GXYLT2: variants seen among roughly 807,000 people sequenced by gnomAD.
GXYLT2 encodes glucoside xylosyltransferase 2, also known as glycosyltransferase 8 domain containing 4.
In GXYLT2, 53 loss-of-function variants were observed where a neutral mutation model predicts 45.8. The observed-to-expected ratio is 1.16, with a 90% confidence interval of 0.93 to 1.46. The LOEUF is 1.46. GXYLT2 is among the 40% of genes most tolerant of loss of function. The pLI, the probability that GXYLT2 is intolerant of heterozygous loss-of-function variation, is 0.00. For synonymous variants in GXYLT2, 219 were observed against 214.2 expected (o/e 1.02, Z -0.19); for missense variants, 551 against 544.4 (o/e 1.01, Z -0.12).
chr3:72,959,838 T>G (rs983989671), intron 5 of GXYLT2, among the ~76,000 whole-genome samples: 3 of 152,186 alleles, frequency 2.0e-5, no homozygotes, highest in Non-Finnish European at 2.9e-5. Flanking sequence ...TTTCGCCATG[T>G]TGGCCAGGCT....
chr3:72,914,956 C>T (rs1709706470), intron 2 of GXYLT2, among the ~76,000 whole-genome samples: 1 of 152,084 alleles, frequency 6.6e-6, no homozygotes. Context: ...GAGGCCAAGG[C>T]AGGCTAAGGC....
chr3:72,905,905 C>T (rs1346207917), intron 1 of GXYLT2, among the ~76,000 whole-genome samples: 1 of 152,064 alleles, frequency 6.6e-6, no homozygotes, highest in African/African-American at 2.4e-5. Flanking sequence ...ACTTGTTATC[C>T]TTGGCAGAAG....
intron 5 of GXYLT2, among the ~76,000 whole-genome samples, chr3:72,961,338 C>T (rs2107148588): frequency 6.6e-6 from 1 of 152,250 alleles, no homozygotes; most frequent in Non-Finnish European, 1.5e-5. Context: ...CACAGCTCCA[C>T]TCAGGCCAGC....
chr3:72,955,429 T>G, intron 4 of GXYLT2, 80 bp downstream of exon 4: 1 of 1,439,244 alleles, frequency 6.9e-7, no homozygotes, highest in Admixed American at 2.0e-5. Flanking sequence ...AGTGTCAATA[T>G]GCTGATTTTG....
At chr3:72,892,321 C>T (rs150016920) in intron 1 of GXYLT2, among the ~76,000 whole-genome samples, 12 of 152,286 alleles carry the variant, frequency 7.9e-5, no homozygotes, top group African/African-American at 1.9e-4. Flanking sequence ...ATTACTCAAC[C>T]GCAACCCTGT....
chr3:72,927,561 T>G (rs2107108178), intron 3 of GXYLT2, among the ~76,000 whole-genome samples: 1 of 152,330 alleles, frequency 6.6e-6, no homozygotes, highest in Non-Finnish European at 1.5e-5. Flanking sequence ...ACCTCTATAT[T>G]ATTATTAATA....
chr3:72,923,842 G>A (rs143591688), intron 3 of GXYLT2, among the ~76,000 whole-genome samples: 3 of 152,270 alleles, frequency 2.0e-5, no homozygotes, highest in African/African-American at 7.2e-5. Flanking sequence ...TATTGCTCAG[G>A]CTGATCTTGA....
At chr3:72,967,468 A>C in intron 5 of GXYLT2, 79 bp from the exon 6 acceptor site, 1 of 1,078,652 alleles carries the variant, frequency 9.3e-7, no homozygotes, top group Non-Finnish European at 1.4e-6. Context: ...CAGTTAGTGG[A>C]AACAGTTTAA....
At position 72,914,160 on chromosome 3, in the gene GXYLT2, A is replaced by G. The variant is rs530175046; in HGVS notation, c.468+5601A>G. On this transcript the variant is annotated intron_variant, in intron 2 of 6. Coordinates refer to ENST00000389617, the MANE Select transcript of GXYLT2 (RefSeq NM_001080393.2). Reference sequence around the variant, plus strand: ...AACAAAACAAAATGCCAGTACCGTCATGATTCCTCCGAAGGCTGCAGTATG... The same window carrying G: ...AACAAAACAAAATGCCAGTACCGTCGTGATTCCTCCGAAGGCTGCAGTATG... Among the ~76,000 whole-genome samples, 6 of 152,308 alleles carry G rather than the reference A, an allele frequency of 3.9e-5. No homozygotes were observed. In the East Asian group the frequency reaches 7.7e-4, roughly 20 times the overall value.
chr3:72,902,279 T>A (rs1426461009), intron 1 of GXYLT2, among the ~76,000 whole-genome samples: 1 of 152,244 alleles, frequency 6.6e-6, no homozygotes, highest in Non-Finnish European at 1.5e-5. Context: ...CCAAAGTGGC[T>A]GTACCAGTTT....
chr3:72,970,890 T>G (rs1710976481), intron 6 of GXYLT2, among the ~76,000 whole-genome samples: 1 of 152,108 alleles, frequency 6.6e-6, no homozygotes, highest in Non-Finnish European at 1.5e-5. Flanking sequence ...ATTTCTAGAG[T>G]TGACTTCTGT....
intron 3 of GXYLT2, among the ~76,000 whole-genome samples, chr3:72,928,710 C>A (rs964689038): frequency 6.6e-6 from 1 of 151,386 alleles, no homozygotes; most frequent in Non-Finnish European, 1.5e-5. Flanking sequence ...AGACTAGCCT[C>A]AAAAATTCAA....
chr3:72,965,266 C>A (rs772663026), intron 5 of GXYLT2, among the ~76,000 whole-genome samples: 3 of 152,176 alleles, frequency 2.0e-5, no homozygotes, highest in Non-Finnish European at 4.4e-5. Context: ...CACAGCCTGC[C>A]AGATGGGATG....
At chr3:72,937,197 T>C (rs908426975) in intron 3 of GXYLT2, among the ~76,000 whole-genome samples, 2 of 152,218 alleles carry the variant, frequency 1.3e-5, no homozygotes, top group Non-Finnish European at 2.9e-5. Flanking sequence ...AGTGGATTAT[T>C]ATCAGCTTTT....
chr3:72,968,943 C>T (rs1329985397), intron 6 of GXYLT2, among the ~76,000 whole-genome samples: 3 of 151,658 alleles, frequency 2.0e-5, no homozygotes, highest in African/African-American at 7.3e-5. Context: ...TGGTGGCGAG[C>T]GCCTGTAGTC....
intron 3 of GXYLT2, among the ~76,000 whole-genome samples, chr3:72,945,743 G>A (rs2107130678): frequency 6.6e-6 from 1 of 152,296 alleles, no homozygotes; most frequent in African/African-American, 2.4e-5. Flanking sequence ...TGAACAGCAG[G>A]AGCTCCCTGA....
At chr3:72,956,242 A>G (rs1710645603) in intron 4 of GXYLT2, among the ~76,000 whole-genome samples, 1 of 151,738 alleles carries the variant, frequency 6.6e-6, no homozygotes. Flanking sequence ...CCCTGTCTCT[A>G]AAAAAAGAAA....
chr3:72,890,861 A>G (rs1366927282), intron 1 of GXYLT2, among the ~76,000 whole-genome samples: 1 of 152,328 alleles, frequency 6.6e-6, no homozygotes, highest in East Asian at 1.9e-4. Flanking sequence ...CCAACACCAT[A>G]GGAATACAGA....
intron 1 of GXYLT2, among the ~76,000 whole-genome samples, chr3:72,906,336 G>C (rs995420137): frequency 2.0e-5 from 3 of 152,000 alleles, no homozygotes; most frequent in African/African-American, 4.8e-5. Context: ...CACATGGCTC[G>C]CTACCTCCCC....
Sources: gnomAD v4.1 joint callset for allele counts (sites outside exome capture counted in the v4.1 genomes callset) on GRCh38, gnomAD v4.1.1 for gene constraint, MANE v1.5 for transcripts, NCBI Gene and HGNC (gene_info 2026-07-23, HGNC 2026-07-21) for gene names.